CDK14: variants seen among roughly 807,000 people sequenced by gnomAD.
The protein encoded by CDK14 is cyclin dependent kinase 14, also known as cyclin-dependent kinase 14.
Under a neutral mutation model 60.7 loss-of-function variants are expected in CDK14, and 34 were observed. That is an observed-to-expected ratio of 0.56 (90% CI 0.43 to 0.75). CDK14 has a LOEUF of 0.75. Among genes scored for constraint, CDK14 ranks in the 30% least tolerant of loss-of-function variants. The probability of loss-of-function intolerance (pLI) is 0.00; values close to 1 mark genes in which losing one functional copy is unlikely to be tolerated. For synonymous variants in CDK14, 197 were observed against 203.7 expected (o/e 0.97, Z 0.28); for missense variants, 482 against 564.1 (o/e 0.85, Z 1.47).
chr7:91,084,769 G>C (rs1798585526), intron 12 of CDK14, among the ~76,000 whole-genome samples: 1 of 152,208 alleles, frequency 6.6e-6, no homozygotes, highest in African/African-American at 2.4e-5. Flanking sequence ...TATGTGCCAG[G>C]CTTGGGAGTT....
intron 4 of CDK14, among the ~76,000 whole-genome samples, chr7:90,759,613 G>A (rs953315773): frequency 6.6e-6 from 1 of 152,130 alleles, no homozygotes; most frequent in Non-Finnish European, 1.5e-5. Flanking sequence ...TGATCTGCTG[G>A]TAGATCACAC....
intron 14 of CDK14, among the ~76,000 whole-genome samples, chr7:91,134,891 A>C (rs1800225606): frequency 6.6e-6 from 1 of 152,064 alleles, no homozygotes; most frequent in Admixed American, 6.6e-5. Context: ...AAAAATAATA[A>C]TAATTTATAG....
At chr7:90,989,784 G>A (rs1202572681) in intron 10 of CDK14, among the ~76,000 whole-genome samples, 1 of 152,158 alleles carries the variant, frequency 6.6e-6, no homozygotes, top group Admixed American at 6.5e-5. Flanking sequence ...TTCTGCATCT[G>A]TAAAGGAGGA....
chr7:90,743,741 T>C (rs1213944288), intron 3 of CDK14, among the ~76,000 whole-genome samples: 4 of 152,168 alleles, frequency 2.6e-5, no homozygotes, highest in African/African-American at 4.8e-5. Flanking sequence ...ATGGGAGATA[T>C]TAATTTAATC....
chr7:90,848,157 G>A (rs1317345894), intron 5 of CDK14, among the ~76,000 whole-genome samples: 8 of 151,986 alleles, frequency 5.3e-5, no homozygotes, highest in African/African-American at 1.7e-4. Flanking sequence ...GCTGAAGTGC[G>A]GTGACATGAT....
chr7:91,095,784 G>A (rs1405814306), intron 12 of CDK14, among the ~76,000 whole-genome samples: 4 of 151,940 alleles, frequency 2.6e-5, no homozygotes, highest in Non-Finnish European at 5.9e-5. Flanking sequence ...AGCTGTTACT[G>A]AAATGTAATA....
At chr7:91,168,184 C>G (rs2115783321) in intron 14 of CDK14, among the ~76,000 whole-genome samples, 1 of 151,878 alleles carries the variant, frequency 6.6e-6, no homozygotes, top group African/African-American at 2.4e-5. Flanking sequence ...ATTGCTTGAA[C>G]CCGGGAGGCG....
At chr7:91,139,558 G>A (rs1215545168) in intron 14 of CDK14, among the ~76,000 whole-genome samples, 1 of 152,132 alleles carries the variant, frequency 6.6e-6, no homozygotes, top group Non-Finnish European at 1.5e-5. Flanking sequence ...CCACATCAAA[G>A]TAGCTCCACT....
chr7:91,154,718 A>G (rs557562373), intron 14 of CDK14, among the ~76,000 whole-genome samples: 2 of 152,254 alleles, frequency 1.3e-5, no homozygotes, highest in East Asian at 3.9e-4. Flanking sequence ...CAATTAGAGC[A>G]CTGCTTGGCA....
At chr7:90,662,231 A>G (rs917833130) in intron 2 of CDK14, among the ~76,000 whole-genome samples, 1 of 152,196 alleles carries the variant, frequency 6.6e-6, no homozygotes, top group Non-Finnish European at 1.5e-5. Flanking sequence ...ATTTATCATG[A>G]GCTCCTCATT....
Position 91,036,582 on chromosome 7 carries a change from C to T in CDK14, c.1042-9315C>T, listed in dbSNP as rs74975283. On this transcript the variant is annotated intron_variant, in intron 10 of 14. Transcript: ENST00000380050. ...GCAGGACCAAGCCCTCTTCCTCCTC[C>T]TCAGCCTACTCAACATGAAGATAAA... is the stretch of plus-strand genomic sequence containing the variant. Among the ~76,000 whole-genome samples, 1,219 of 152,268 alleles carry T rather than the reference C, an allele frequency of 8.0e-3. 14 individuals are homozygous for T. Among genetic ancestry groups the T allele is most frequent in the African/African-American group, 0.028 (1,162 of 41,516 alleles).
chr7:90,982,053 T>G (rs567130822), intron 9 of CDK14, among the ~76,000 whole-genome samples: 29 of 152,324 alleles, frequency 1.9e-4, no homozygotes, highest in African/African-American at 6.0e-4. Context: ...GTTATTCCTG[T>G]TGGGCTTGGT....
At chr7:91,072,599 A>G (rs568351692) in intron 11 of CDK14, among the ~76,000 whole-genome samples, 16 of 152,206 alleles carry the variant, frequency 1.1e-4, no homozygotes, top group Admixed American at 1.3e-4. Flanking sequence ...GAAAACCCAA[A>G]AGGCCAGAGT....
At chr7:90,886,869 A>T (rs1051205488) in intron 6 of CDK14, among the ~76,000 whole-genome samples, 1 of 152,166 alleles carries the variant, frequency 6.6e-6, no homozygotes, top group Non-Finnish European at 1.5e-5. Flanking sequence ...GCACAGCAAG[A>T]GATTAAGTAC....
chr7:90,873,233 C>G (rs1791435066), intron 6 of CDK14, among the ~76,000 whole-genome samples: 1 of 152,022 alleles, frequency 6.6e-6, no homozygotes, highest in African/African-American at 2.4e-5. Context: ...AAAGTTGCCA[C>G]CTGATGTAAG....
At chr7:90,981,261 G>T (rs999760564) in intron 9 of CDK14, among the ~76,000 whole-genome samples, 1 of 152,200 alleles carries the variant, frequency 6.6e-6, no homozygotes, top group African/African-American at 2.4e-5. Flanking sequence ...ATATTTATAA[G>T]CACATCATTG....
At chr7:90,801,892 CT>C (rs1431715107) in intron 5 of CDK14, among the ~76,000 whole-genome samples, 1 of 152,154 alleles carries the variant, frequency 6.6e-6, no homozygotes, top group Non-Finnish European at 1.5e-5. Context: ...CTTCTTACCC[CT>C]ATCACCTTCC....
intron 5 of CDK14, among the ~76,000 whole-genome samples, chr7:90,850,096 C>A (rs868054906): frequency 6.6e-6 from 1 of 151,950 alleles, no homozygotes. Flanking sequence ...TAGGATATTT[C>A]TTTGCTTCTT....
At chr7:90,987,011 T>C (rs16868092) in intron 10 of CDK14, among the ~76,000 whole-genome samples, 13,922 of 96,948 alleles carry the variant, frequency 0.14, 818 homozygotes, top group East Asian at 0.3. Context: ...AAAGAAATTG[T>C]TATATAACTG....
Sources: allele counts gnomAD v4.1 joint callset (sites outside exome capture counted in the v4.1 genomes callset), GRCh38; gene constraint gnomAD v4.1.1; transcripts MANE v1.5; gene names NCBI Gene and HGNC (gene_info 2026-07-23, HGNC 2026-07-21).